Variants in RAD17 observed in about 807,000 individuals in gnomAD.
RAD17 encodes the protein RAD17 checkpoint clamp loader component, also known as cell cycle checkpoint protein RAD17.
RAD17 carries 31 observed loss-of-function variants against 81.5 expected under a neutral mutation model. The observed-to-expected ratio is 0.38, with a 90% CI of 0.29 to 0.51. RAD17 has a LOEUF of 0.51. Among genes scored for constraint, RAD17 ranks in the 20% least tolerant of loss-of-function variants. RAD17 has a pLI of 0.88. For synonymous variants in RAD17, 261 were observed against 266.2 expected, an observed-to-expected ratio of 0.98 and a Z score of 0.19; for missense variants, 681 against 781.2, an observed-to-expected ratio of 0.87 and a Z score of 1.53.
chr5:69,398,580 G>T (rs1311468044), intron 16 of RAD17, among the ~76,000 whole-genome samples: 2 of 151,996 alleles, frequency 1.3e-5, no homozygotes, highest in Admixed American at 1.3e-4. Context: ...GGCTGAGGCG[G>T]GCAGAACACA....
intron 18 of RAD17, among the ~76,000 whole-genome samples, chr5:69,411,605 G>A (rs547179466): frequency 5.9e-5 from 9 of 151,934 alleles, no homozygotes; most frequent in African/African-American, 2.2e-4. Flanking sequence ...GTTTTTTTCT[G>A]TATACTGGCT....
At chr5:69,393,128 T>G (rs574602098) in intron 13 of RAD17, 27 bp from the exon 14 acceptor site, 1 of 1,490,502 alleles carries the variant, frequency 6.7e-7, no homozygotes, top group South Asian at 1.2e-5. Flanking sequence ...AGGTATTATC[T>G]TTAATAATTC....
rs765858019 is a variant in RAD17, at chr5:69,382,056, T to C, written c.507T>C (p.Thr169=). The C allele has an allele frequency of 3.7e-6, 6 of 1,611,006 alleles. No homozygotes were observed. In the Admixed American group the frequency reaches 6.7e-5, roughly 18 times the overall value. The change falls in exon 7 of 19, where the codon ACT becomes ACC. Residue 169 remains threonine, a splice_region_variant and synonymous_variant. Transcript: ENST00000354868. ...QKDDFKGMFN[T]ESSFHMFPYQ... is the part of the protein sequence containing the mutation. ...ATGATTTCAAGGGGATGTTTAATAC[T>C]GGTAAGATTTGCTGTGAAGGTAGTA...
rs2150846308 is a variant in RAD17, at chr5:69,396,510, C to T, written c.1536C>T (p.Pro512=). 6.2e-7 allele frequency: 1 copy of T among 1,608,696 alleles called. No individual in the cohort carries two copies. Among genetic ancestry groups the T allele is most frequent in the East Asian group, 2.2e-5 (1 of 44,736 alleles). ...AAGGAGGAGGATCAAGTTTTCGACCCTTGCACAAACCTCAGTGGTTTCTAA... is the reference window on the plus strand; with the variant it reads ...AAGGAGGAGGATCAAGTTTTCGACCTTTGCACAAACCTCAGTGGTTTCTAA... ...HCQGGGSSFR[P]LHKPQWFLIN... The change falls in exon 16 of 19, where the codon CCC becomes CCT. Residue 512 remains proline, a synonymous_variant. Transcript: ENST00000354868.
chr5:69,379,597 A>T (rs1763719897), intron 6 of RAD17, among the ~76,000 whole-genome samples: 1 of 152,140 alleles, frequency 6.6e-6, no homozygotes, highest in Admixed American at 6.5e-5. Context: ...GTACGGCTGT[A>T]CAAAAATATT....
chr5:69,374,938 C>T (rs1451522849), intron 6 of RAD17, among the ~76,000 whole-genome samples: 1 of 152,070 alleles, frequency 6.6e-6, no homozygotes, highest in East Asian at 1.9e-4. Flanking sequence ...GCAGCCTGGG[C>T]AACATAGGGA....
At chr5:69,392,646 C>A in intron 13 of RAD17, 1 of 229,194 alleles carries the variant, frequency 4.4e-6, no homozygotes, top group Non-Finnish European at 9.1e-6. Flanking sequence ...ACTTAGGTGG[C>A]AGTGAGGACA....
In RAD17 at chr5:69,391,923, G is replaced by A. The variant is rs756025048; in HGVS notation, c.1099G>A (p.Val367Ile). 6.3e-7 allele frequency: 1 copy of A among 1,597,356 alleles called. No homozygotes were observed. Among genetic ancestry groups the A allele is most frequent in the South Asian group, 1.1e-5 (1 of 87,544 alleles). Residue 367 changes from valine (V) to isoleucine (I), a missense_variant, in exon 13 of 19, where the codon GTT becomes ATT. Coordinates refer to ENST00000354868, the MANE Select transcript of RAD17 (RefSeq NM_133338.3). ...AAAACGAAGAAAAAAACCTGATAGG[G>A]TTTTTGAAAATCAAGAGGTCCAAGC... ...KSKRRKKPDRVFENQEVQAIG... is the reference protein window; with the variant it reads ...KSKRRKKPDRIFENQEVQAIG...
Position 69,414,487 on chromosome 5 carries a change from C to CT in RAD17, c.*197dup. ...AATAGAAGATCAAGCCTTCAAATCT[C>CT]TTAATTTTTTCGGTATTTATTAAAT... On this transcript the variant is annotated 3_prime_UTR_variant, in exon 19 of 19. Coordinates refer to ENST00000354868, the MANE Select transcript of RAD17 (RefSeq NM_133338.3). The CT allele has an allele frequency of 4.3e-6, 3 of 701,190 alleles. No individual in the cohort carries two copies. Among genetic ancestry groups the CT allele is most frequent in the Non-Finnish European group, 4.6e-6 (2 of 435,256 alleles). The allele number at this position is 701,190 out of a possible 1,614,324, so 43.4% of individuals were successfully genotyped here. A position where few individuals can be genotyped will look rare whatever the true frequency, so the allele number is the denominator to read the frequency against.
At chr5:69,401,670 C>G (rs935933572) in intron 17 of RAD17, among the ~76,000 whole-genome samples, 1 of 152,030 alleles carries the variant, frequency 6.6e-6, no homozygotes, top group Non-Finnish European at 1.5e-5. Context: ...GATTGCCCTT[C>G]TCCTTGCCAA....
chr5:69,411,963 C>CTT (rs376865716), intron 18 of RAD17, among the ~76,000 whole-genome samples: 6 of 148,722 alleles, frequency 4.0e-5, no homozygotes, highest in African/African-American at 9.8e-5. Flanking sequence ...ATTTTCTTTT[C>CTT]TTTTTTTTTT....
At chr5:69,405,504 TAAAAATAC>T (rs1447196129) in intron 17 of RAD17, among the ~76,000 whole-genome samples, 1 of 151,210 alleles carries the variant, frequency 6.6e-6, no homozygotes, top group Non-Finnish European at 1.5e-5. Flanking sequence ...CTGCCTCTAC[TAAAAATAC>T]AAAAATTAGC....
intron 12 of RAD17, among the ~76,000 whole-genome samples, chr5:69,389,935 C>G (rs1764444902): frequency 6.6e-6 from 1 of 152,076 alleles, no homozygotes; most frequent in Non-Finnish European, 1.5e-5. Context: ...CTCATCTGGC[C>G]TGAAATTATT....
chr5:69,382,099 C>CTGTG, intron 7 of RAD17, 42 bp downstream of exon 7: 1 of 1,577,450 alleles, frequency 6.3e-7, no homozygotes, highest in Non-Finnish European at 8.7e-7. Flanking sequence ...TGGGGCAAAC[C>CTGTG]TGTGCTTAAG....
chr5:69,387,714 G>A (rs191238515), intron 11 of RAD17, among the ~76,000 whole-genome samples: 5 of 152,158 alleles, frequency 3.3e-5, no homozygotes, highest in Admixed American at 2.0e-4. Flanking sequence ...AAAATTAGCC[G>A]GATGTGGTGG....
intron 1 of RAD17, 67 bp downstream of exon 1, chr5:69,370,000 CAA>C: frequency 2.4e-6 from 1 of 423,468 alleles, no homozygotes; most frequent in Non-Finnish European, 4.2e-6. Context: ...TCTCTGCCTT[CAA>C]GCTTTCCTGG....
At chr5:69,393,052 A>G in intron 13 of RAD17, 103 bp from the exon 14 acceptor site, 1 of 655,910 alleles carries the variant, frequency 1.5e-6, no homozygotes, top group South Asian at 2.3e-5. Context: ...GTTTGTTACT[A>G]TGTTGGTATT....
intron 11 of RAD17, among the ~76,000 whole-genome samples, chr5:69,388,161 GA>G (rs1157045728): frequency 1.3e-5 from 2 of 151,718 alleles, no homozygotes; most frequent in African/African-American, 4.8e-5. Context: ...GCCCAGGTGT[GA>G]TATAGTAAGA....
chr5:69,399,523 A>C (rs1175558637), intron 16 of RAD17, among the ~76,000 whole-genome samples: 1 of 152,176 alleles, frequency 6.6e-6, no homozygotes, highest in African/African-American at 2.4e-5. Context: ...TTTCCAACAG[A>C]TTTCTTGGAG....
Sources: allele counts gnomAD v4.1 joint callset (sites outside exome capture counted in the v4.1 genomes callset), GRCh38; gene constraint gnomAD v4.1.1; transcripts MANE v1.5; gene names NCBI Gene and HGNC (gene_info 2026-07-23, HGNC 2026-07-21).